Variants in EXOC6B observed in about 807,000 individuals in gnomAD.
EXOC6B encodes exocyst complex component 6B, also known as SEC15 homolog B.
In EXOC6B, 54 loss-of-function variants were observed where a neutral mutation model predicts 113.5. That is an observed-to-expected ratio of 0.48 (90% CI 0.38 to 0.60). EXOC6B has a LOEUF of 0.60. Ranked by LOEUF, EXOC6B falls within the 20% of genes least tolerant of loss-of-function variation. The pLI is 0.00. For synonymous variants in EXOC6B, 357 were observed against 339.0 expected, an observed-to-expected ratio of 1.05 and a Z score of -0.58; for missense variants, 797 against 977.5, an observed-to-expected ratio of 0.82 and a Z score of 2.46.
chr2:72,344,397 T>A (rs1450260811), intron 19 of EXOC6B, among the ~76,000 whole-genome samples: 3 of 152,200 alleles, frequency 2.0e-5, no homozygotes, highest in African/African-American at 7.2e-5. Flanking sequence ...TTTTAAAGTC[T>A]TTGTCTAGTA....
intron 20 of EXOC6B, among the ~76,000 whole-genome samples, chr2:72,233,649 A>T (rs1201545949): frequency 6.6e-6 from 1 of 152,190 alleles, no homozygotes; most frequent in Admixed American, 6.5e-5. Context: ...CCTAGAGCAG[A>T]CCAGAACCAG....
chr2:72,361,002 C>A (rs1347392871), intron 19 of EXOC6B, among the ~76,000 whole-genome samples: 1 of 151,848 alleles, frequency 6.6e-6, no homozygotes, highest in African/African-American at 2.4e-5. Flanking sequence ...CCATTGCAAC[C>A]CCATTCCCAG....
intron 14 of EXOC6B, 37 bp from the exon 15 acceptor site, chr2:72,495,576 C>T: frequency 9.1e-7 from 1 of 1,103,038 alleles, no homozygotes; most frequent in Non-Finnish European, 1.4e-6. Context: ...AAGTCACAAA[C>T]CAACGAAGAT....
intron 20 of EXOC6B, among the ~76,000 whole-genome samples, chr2:72,321,572 A>G (rs917260976): frequency 6.6e-6 from 1 of 151,806 alleles, no homozygotes; most frequent in African/African-American, 2.4e-5. Context: ...TAACATATGC[A>G]AAAACAGAGA....
chr2:72,380,888 A>G (rs1379447929), intron 18 of EXOC6B, among the ~76,000 whole-genome samples: 1 of 152,240 alleles, frequency 6.6e-6, no homozygotes, highest in Non-Finnish European at 1.5e-5. Context: ...GTTTCAAAAT[A>G]CAGGATGATG....
At chr2:72,625,387 A>G (rs1671994028) in intron 6 of EXOC6B, among the ~76,000 whole-genome samples, 1 of 152,174 alleles carries the variant, frequency 6.6e-6, no homozygotes, top group Admixed American at 6.5e-5. Context: ...ATAATTACAT[A>G]GTTAAACACA....
intron 1 of EXOC6B, among the ~76,000 whole-genome samples, chr2:72,804,365 G>C (rs1685461569): frequency 1.3e-5 from 2 of 152,110 alleles, no homozygotes; most frequent in Middle Eastern, 3.2e-3. Context: ...GCTCTTCCTA[G>C]AGCGCATAGG....
intron 20 of EXOC6B, among the ~76,000 whole-genome samples, chr2:72,211,078 C>G (rs1207783788): frequency 6.6e-6 from 1 of 152,150 alleles, no homozygotes; most frequent in Admixed American, 6.5e-5. Context: ...CAATTTTACC[C>G]TCTTCCCTCT....
At chr2:72,348,300 A>G (rs1049801594) in intron 19 of EXOC6B, among the ~76,000 whole-genome samples, 1 of 152,168 alleles carries the variant, frequency 6.6e-6, no homozygotes, top group Non-Finnish European at 1.5e-5. Flanking sequence ...GGATTTCAAC[A>G]TATGAATTTT....
At chr2:72,458,791 T>G (rs1032954101) in intron 18 of EXOC6B, among the ~76,000 whole-genome samples, 2 of 152,102 alleles carry the variant, frequency 1.3e-5, no homozygotes, top group Non-Finnish European at 2.9e-5. Context: ...TGATCCACAT[T>G]ACTGCTTCTA....
intron 6 of EXOC6B, among the ~76,000 whole-genome samples, chr2:72,667,712 C>T (rs1675492833): frequency 6.6e-6 from 1 of 152,148 alleles, no homozygotes; most frequent in Non-Finnish European, 1.5e-5. Flanking sequence ...TCATCAGATT[C>T]AAAAATTCAC....
At chr2:72,700,237 AACACACACACACACAC>A (rs3034948) in intron 6 of EXOC6B, among the ~76,000 whole-genome samples, 1 of 142,318 alleles carries the variant, frequency 7.0e-6, no homozygotes, top group Non-Finnish European at 1.5e-5. Context: ...AGACCACAGA[AACACACACACACACAC>A]ACACACACAC....
intron 8 of EXOC6B, among the ~76,000 whole-genome samples, chr2:72,552,495 G>A (rs768030296): frequency 2.0e-5 from 3 of 152,006 alleles, no homozygotes; most frequent in African/African-American, 4.8e-5. Context: ...AGAAAAAAGG[G>A]GGAGATGTCC....
intron 1 of EXOC6B, among the ~76,000 whole-genome samples, chr2:72,808,113 AAAG>A (rs1169313494): frequency 6.6e-6 from 1 of 152,198 alleles, no homozygotes; most frequent in Non-Finnish European, 1.5e-5. Flanking sequence ...TCTAACCAGA[AAAG>A]AAATGATTTA....
In EXOC6B at chr2:72,825,955, C is replaced by T; in HGVS notation, c.-45G>A. The T allele has an allele frequency of 1.2e-6, 2 of 1,601,964 alleles. No individual in the cohort carries two copies. Among genetic ancestry groups the T allele is most frequent in the South Asian group, 1.1e-5 (1 of 90,498 alleles). On this transcript the variant is annotated 5_prime_UTR_variant, in exon 1 of 22. Transcript: ENST00000272427. This position sits in a 1 kb window ranked among gnomAD's most constrained non-coding sequence, Gnocchi z 4.4. ...GCGCGTCCCCTCCGTCGGCTCGGCT[C>T]ACCTTTTCCCTGCCCCACAATGCCG...
chr2:72,537,453 CA>C lies in EXOC6B; in HGVS notation c.915+21999del, dbSNP rs74620661. Among the ~76,000 whole-genome samples the C allele has an allele frequency of 6.3e-3, 464 of 74,132 alleles. 1 individual carries two copies. Among genetic ancestry groups the C allele is most frequent in the Middle Eastern group, 0.032 (4 of 126 alleles). 48.6% of individuals were successfully genotyped at this position (74,132 alleles called of 152,430 possible). A position where few individuals can be genotyped will look rare whatever the true frequency, so the allele number is the denominator to read the frequency against. ...AAAACCCCTGTCTCTACAAAAAATA[CA>C]AAAAAAAAAAAAAAACCCCACAAAC... On this transcript the variant is annotated intron_variant, in intron 8 of 21. Transcript: ENST00000272427.
At chr2:72,611,544 T>C (rs186742089) in intron 6 of EXOC6B, among the ~76,000 whole-genome samples, 211 of 152,248 alleles carry the variant, frequency 1.4e-3, no homozygotes, top group Non-Finnish European at 2.5e-3. Flanking sequence ...AGACTTTAGT[T>C]AGTAGTGATG....
At position 72,399,140 on chromosome 2, in the gene EXOC6B, CA is replaced by C. The variant is rs760120824; in HGVS notation, c.1981-19271del. Among the ~76,000 whole-genome samples the C allele has an allele frequency of 1.3e-4, 20 of 151,958 alleles. 1 individual carries two copies. The highest frequency in any genetic ancestry group is 4.6e-4 in the African/African-American group (19 of 41,446). On this transcript the variant is annotated intron_variant, in intron 18 of 21. Transcript: ENST00000272427. ...TCCAGTGTGTTTTATTCCAAAGATGCAAAGACAATTCAATATATGCAAATCA... is the reference window on the plus strand; with the variant it reads ...TCCAGTGTGTTTTATTCCAAAGATGCAAGACAATTCAATATATGCAAATCA...
chr2:72,770,377 C>T (rs1683346076), intron 1 of EXOC6B, among the ~76,000 whole-genome samples: 1 of 152,104 alleles, frequency 6.6e-6, no homozygotes, highest in Non-Finnish European at 1.5e-5. Flanking sequence ...ATCGAAAATC[C>T]TTGTAGCAAA....
Sources: allele counts gnomAD v4.1 joint callset (sites outside exome capture counted in the v4.1 genomes callset), GRCh38; gene constraint gnomAD v4.1.1; non-coding constraint Gnocchi (gnomAD v3.1); transcripts MANE v1.5; gene names NCBI Gene and HGNC (gene_info 2026-07-23, HGNC 2026-07-21).